The following KIF17 variants were observed in gnomAD, a reference collection of about 807,000 sequenced individuals.
The protein encoded by KIF17 is kinesin family member 17, also known as kinesin-like protein KIF17.
In KIF17, 80 loss-of-function variants were observed where a neutral mutation model predicts 96.8. The ratio of observed to expected loss-of-function variants is 0.83; its 90% CI spans 0.69 to 1.00. KIF17 has a LOEUF of 1.00. Ranked by LOEUF, KIF17 falls within the 50% of genes least tolerant of loss-of-function variation. KIF17 has a pLI of 0.00. For synonymous variants in KIF17, 567 were observed against 587.5 expected (o/e 0.97, Z 0.51); for missense variants, 1,280 against 1,372.9 (o/e 0.93, Z 1.07).
Position 20,717,837 on chromosome 1 carries a change from G to A in KIF17, c.-131C>T. The A allele has an allele frequency of 1.2e-6, 1 of 801,932 alleles. No individual in the cohort carries two copies. The highest frequency in any genetic ancestry group is 1.6e-6 in the Non-Finnish European group (1 of 644,114). 49.7% of individuals were successfully genotyped at this position (801,932 alleles called of 1,614,324 possible). A position where few individuals can be genotyped will look rare whatever the true frequency, so the allele number is the denominator to read the frequency against. On this transcript the variant is annotated 5_prime_UTR_variant, in exon 1 of 15. Coordinates refer to ENST00000400463, the MANE Select transcript of KIF17 (RefSeq NM_001122819.3). ...GGCCTTGAGGCAGGGGCGGGGCCGC[G>A]GCGGGGGGCGGGGACCCCTCGGGGG...
Position 20,687,905 on chromosome 1 carries a change from A to T in KIF17, c.1421T>A (p.Val474Asp). ...LQVGVLYKAE[V>D]MSRAEFASSA... Reference sequence around the variant, plus strand: ...GCTGGCAAACTCAGCCCTGGACATGACCTCAGCCTTGTAGAGGACTCCCAC... The same window carrying T: ...GCTGGCAAACTCAGCCCTGGACATGTCCTCAGCCTTGTAGAGGACTCCCAC... Residue 474 changes from valine to aspartate, a missense_variant, in exon 8 of 15, where the codon GTC becomes GAC. Coordinates refer to ENST00000400463, the MANE Select transcript of KIF17 (RefSeq NM_001122819.3). The surrounding 1 kb of genome is among the most constrained non-coding windows in gnomAD (Gnocchi z 4.4). The T allele has an allele frequency of 3.1e-6, 5 of 1,613,776 alleles. No homozygotes were observed. Among genetic ancestry groups the T allele is most frequent in the Non-Finnish European group, 4.2e-6 (5 of 1,180,012 alleles).
intron 5 of KIF17, among the ~76,000 whole-genome samples, chr1:20,701,278 A>G (rs1570468959): frequency 6.6e-6 from 1 of 152,078 alleles, no homozygotes; most frequent in Non-Finnish European, 1.5e-5. Context: ...AAAAATACAA[A>G]AAATTAGCTG....
intron 14 of KIF17, among the ~76,000 whole-genome samples, chr1:20,665,997 CTG>C (rs1023639552): frequency 3.9e-5 from 6 of 152,348 alleles, no homozygotes; most frequent in South Asian, 2.1e-4. Context: ...AGAGGAGACT[CTG>C]TACTGAGCAC....
intron 6 of KIF17, among the ~76,000 whole-genome samples, chr1:20,691,117 C>A (rs982588152): frequency 6.6e-6 from 1 of 151,586 alleles, no homozygotes; most frequent in African/African-American, 2.4e-5. Context: ...GCCAACATGG[C>A]GAAACCCCGC....
At position 20,687,365 on chromosome 1, in the gene KIF17, G is replaced by A; in HGVS notation, c.1938+23C>T. On this transcript the variant is annotated intron_variant, in intron 8 of 14. Transcript: ENST00000400463. This position sits in a 1 kb window ranked among gnomAD's most constrained non-coding sequence, Gnocchi z 4.4. ...GCTCTGCCTGCTCAGTGTTCACATG[G>A]CACCATGCGTGACATCAGCTACCTG... 3 of 1,610,738 alleles carry A rather than the reference G, an allele frequency of 1.9e-6. No individual in the cohort carries two copies. The highest frequency in any genetic ancestry group is 2.5e-6 in the Non-Finnish European group (3 of 1,178,500).
At chr1:20,665,246 T>TTTTG (rs2053506185) in intron 14 of KIF17, among the ~76,000 whole-genome samples, 1 of 103,584 alleles carries the variant, frequency 9.7e-6, no homozygotes, top group Non-Finnish European at 2.2e-5. Flanking sequence ...TTTTTTTTTT[T>TTTTG]AGAAAAAGTC....
intron 6 of KIF17, among the ~76,000 whole-genome samples, chr1:20,695,361 T>C (rs1357729044): frequency 6.6e-6 from 1 of 152,150 alleles, no homozygotes; most frequent in South Asian, 2.1e-4. Flanking sequence ...CTAATTTTTG[T>C]ATTTGTAGTA....
intron 5 of KIF17, among the ~76,000 whole-genome samples, chr1:20,702,960 C>A (rs1433714490): frequency 2.6e-5 from 4 of 152,200 alleles, no homozygotes; most frequent in Non-Finnish European, 4.4e-5. Context: ...CGTGTCCACA[C>A]AGAGGAGCAG....
chr1:20,694,419 G>A (rs1257614692), intron 6 of KIF17, among the ~76,000 whole-genome samples: 3 of 151,280 alleles, frequency 2.0e-5, no homozygotes, highest in Admixed American at 1.3e-4. Flanking sequence ...TAATGGGCAT[G>A]CAACATATTC....
chr1:20,663,503 G>A (rs879798038), downstream of KIF17, among the ~76,000 whole-genome samples: 1 of 152,188 alleles, frequency 6.6e-6, no homozygotes, highest in Non-Finnish European at 1.5e-5. Context: ...CCTGTGAGGT[G>A]GGCGTTATCC....
rs749297675 is a variant in KIF17 at position 20,687,629 on chromosome 1, A to AT, written c.1696dup (p.Met566AsnfsTer4). 1 of 1,614,170 alleles carries AT rather than the reference A, an allele frequency of 6.2e-7. No individual in the cohort carries two copies. The highest frequency in any genetic ancestry group is 1.1e-5 in the South Asian group (1 of 91,080). ...TCTGCTCCTGGACTCCTCAGTGGGCATGGAGACCTCCACGTTGGAGGGCTC... is the reference window on the plus strand; with the variant it reads ...TCTGCTCCTGGACTCCTCAGTGGGCATTGGAGACCTCCACGTTGGAGGGCTC... On this transcript the variant is annotated frameshift_variant, in exon 8 of 15. Coordinates refer to ENST00000400463, the MANE Select transcript of KIF17 (RefSeq NM_001122819.3). LOFTEE classifies it high-confidence loss of function. The surrounding 1 kb of genome is among the most constrained non-coding windows in gnomAD (Gnocchi z 4.4).
chr1:20,699,829 A>T lies in KIF17; in HGVS notation c.1124-1341T>A, dbSNP rs1237988113. On this transcript the variant is annotated intron_variant, in intron 5 of 14. Transcript: ENST00000400463. This position sits in a 1 kb window ranked among gnomAD's most constrained non-coding sequence, Gnocchi z 4.3. ...GGACAGGTGGAGAAGTCCAAGAGGG[A>T]TAATGCCAGATTGTGACAGCTGTGG... is the stretch of plus-strand genomic sequence containing the variant. Among the ~76,000 whole-genome samples, 1 of 152,140 alleles carries T rather than the reference A, an allele frequency of 6.6e-6. No individual in the cohort carries two copies. The highest frequency in any genetic ancestry group is 6.5e-5 in the Admixed American group (1 of 15,272).
rs776860804 is a variant in KIF17 at position 20,704,559 on chromosome 1, G to T, written c.1011C>A (p.Asn337Lys). The change falls in exon 5 of 15, where the codon AAC becomes AAA. Residue 337 changes from asparagine to lysine, a missense_variant. Transcript: ENST00000400463. This position sits in a 1 kb window ranked among gnomAD's most constrained non-coding sequence, Gnocchi z 6.8. ...TGGGGTCCTCATTGATGCGCGGCTT[G>T]TTCCTGATGTTCTTGGCCCGGTTGG... Reference protein sequence around the residue: ...RYANRAKNIRNKPRINEDPKD... With the variant: ...RYANRAKNIRKKPRINEDPKD... The T allele has an allele frequency of 1.2e-6, 2 of 1,614,220 alleles. No individual in the cohort carries two copies.
Position 20,687,643 on chromosome 1 carries a change from G to A in KIF17, c.1683C>T (p.Asn561=), listed in dbSNP as rs373585154. ...CCTCAGTGGGCATGGAGACCTCCAC[G>A]TTGGAGGGCTCCTCAGGCCCAGGGA... ...EAFPGPEEPS[N]VEVSMPTEES... Residue 561 remains asparagine, a synonymous_variant, in exon 8 of 15, where the codon AAC becomes AAT. Coordinates refer to ENST00000400463, the MANE Select transcript of KIF17 (RefSeq NM_001122819.3). This position sits in a 1 kb window ranked among gnomAD's most constrained non-coding sequence, Gnocchi z 4.4. 1.9e-5 allele frequency: 30 copies of A among 1,614,042 alleles called. No homozygotes were observed. The East Asian group carries it at 2.7e-4, about 14-fold the overall frequency.
chr1:20,666,563 C>A (rs577307339), intron 13 of KIF17, among the ~76,000 whole-genome samples: 2 of 152,210 alleles, frequency 1.3e-5, no homozygotes, highest in Non-Finnish European at 2.9e-5. Context: ...GCCAAGCCTG[C>A]ACCCGGCCTC....
Position 20,687,020 on chromosome 1 carries a change from G to A in KIF17, c.1938+368C>T, listed in dbSNP as rs910997597. Among the ~76,000 whole-genome samples the A allele has an allele frequency of 1.4e-4, 21 of 152,168 alleles. No homozygotes were observed. The highest frequency in any genetic ancestry group is 1.2e-3 in the Admixed American group (19 of 15,274). On this transcript the variant is annotated intron_variant, in intron 8 of 14. Coordinates refer to ENST00000400463, the MANE Select transcript of KIF17 (RefSeq NM_001122819.3). This position sits in a 1 kb window ranked among gnomAD's most constrained non-coding sequence, Gnocchi z 4.4. ...CCACCCAGCTCACTACAGAGCTCAC[G>A]AGCCAGTGAGCGTCGCCCAGGGCTC...
intron 6 of KIF17, 133 bp downstream of exon 6, chr1:20,698,246 T>C: frequency 1.4e-6 from 1 of 704,030 alleles, no homozygotes; most frequent in Non-Finnish European, 2.6e-6. Context: ...CTCTTTGAGC[T>C]TCAGCTTTCT....
Position 20,682,866 on chromosome 1 carries a change from C to G in KIF17, c.2250G>C (p.Gln750His). ...QVLARLQLLE[Q>H]QVVGGEQAKN... Reference sequence around the variant, plus strand: ...TGGCCTGCTCTCCACCCACAACCTGCTGCTCCAACAGCTGCAGACTGCCGG... The same window carrying G: ...TGGCCTGCTCTCCACCCACAACCTGGTGCTCCAACAGCTGCAGACTGCCGG... The change falls in exon 11 of 15, where the codon CAG (glutamine) becomes CAC (histidine). Residue 750 changes from glutamine (Q) to histidine (H), a missense_variant. Physicochemically the swap from Gln to His is conservative, Grantham distance 24. Transcript: ENST00000400463. 2 of 1,611,086 alleles carry G rather than the reference C, an allele frequency of 1.2e-6. No individual in the cohort carries two copies. Among genetic ancestry groups the G allele is most frequent in the South Asian group, 1.1e-5 (1 of 91,088 alleles).
At chr1:20,695,334 C>T (rs1011781301) in intron 6 of KIF17, among the ~76,000 whole-genome samples, 8 of 152,178 alleles carry the variant, frequency 5.3e-5, no homozygotes, top group African/African-American at 9.7e-5. Flanking sequence ...ATCACAGGCA[C>T]GTGCCATCAC....
Sources: gnomAD v4.1 joint callset for allele counts (sites outside exome capture counted in the v4.1 genomes callset) on GRCh38, gnomAD v4.1.1 for gene constraint, Gnocchi (gnomAD v3.1) non-coding constraint, MANE v1.5 for transcripts, NCBI Gene and HGNC (gene_info 2026-07-23, HGNC 2026-07-21) for gene names.